The following KRTAP3-1 variants were observed in gnomAD, a reference collection of about 807,000 sequenced individuals.
KRTAP3-1 encodes the protein keratin-associated protein 3-1.
In KRTAP3-1, 3 loss-of-function variants were observed where a neutral mutation model predicts 2.8. The observed-to-expected ratio is 1.07, with a 90% CI of 0.49 to 2.78. The LOEUF (loss-of-function observed/expected upper bound fraction) is 2.78, where lower values mean the gene tolerates loss of function less well. KRTAP3-1 is among the 30% of genes most tolerant of loss of function. KRTAP3-1 has a pLI of 0.04. For missense variants in KRTAP3-1, 130 were observed against 127.6 expected (o/e 1.02, Z -0.09); for synonymous variants, 47 against 49.1 (o/e 0.96, Z 0.18).
rs759215053 is a variant in KRTAP3-1, at chr17:41,009,063, A to C, written c.12T>G (p.Cys4Trp). 1 of 1,613,538 alleles carries C rather than the reference A, an allele frequency of 6.2e-7. No homozygotes were observed. The highest frequency in any genetic ancestry group is 8.5e-7 in the Non-Finnish European group (1 of 1,179,774). The change falls in exon 1 of 1, where the codon TGT (cysteine) becomes TGG (tryptophan). Residue 4 changes from cysteine to tryptophan, a missense_variant. Coordinates refer to ENST00000391588, the MANE Select transcript of KRTAP3-1 (RefSeq NM_031958.2). MYCCALRSCSVPTG... is the reference protein window; with the variant it reads MYCWALRSCSVPTG... ...TGGGGACGCTGCAGGAGCGGAGAGCACAGCAATACATGGCAATGGGAGGTG... is the reference window on the plus strand; with the variant it reads ...TGGGGACGCTGCAGGAGCGGAGAGCCCAGCAATACATGGCAATGGGAGGTG...
chr17:41,008,687 G>A lies in KRTAP3-1; in HGVS notation c.*91C>T, dbSNP rs2011979822. The A allele has an allele frequency of 2.3e-6, 3 of 1,278,318 alleles. No homozygotes were observed. The highest frequency in any genetic ancestry group is 2.1e-6 in the Non-Finnish European group (2 of 932,576). 79.2% of individuals were successfully genotyped at this position (1,278,318 alleles called of 1,614,324 possible). On this transcript the variant is annotated 3_prime_UTR_variant, in exon 1 of 1. Coordinates refer to ENST00000391588, the MANE Select transcript of KRTAP3-1 (RefSeq NM_031958.2). ...GGCCCCGGGGATTGGGATGGCCTTA[G>A]CCTTGATGTAGGCAGTAGTGAGTGC...
chr17:41,009,071 A>G lies in KRTAP3-1; in HGVS notation c.4T>C (p.Tyr2His), dbSNP rs1239672424. The change falls in exon 1 of 1, where the codon TAT (tyrosine) becomes CAT (histidine). Residue 2 changes from tyrosine (Y) to histidine (H), a missense_variant. By Grantham distance (83) the Tyr-to-His change is moderately conservative. Coordinates refer to ENST00000391588, the MANE Select transcript of KRTAP3-1 (RefSeq NM_031958.2). ...CTGCAGGAGCGGAGAGCACAGCAAT[A>G]CATGGCAATGGGAGGTGGGTTTTTG... M[Y>H]CCALRSCSVP... 2 of 1,612,962 alleles carry G rather than the reference A, an allele frequency of 1.2e-6. No homozygotes were observed. Among genetic ancestry groups the G allele is most frequent in the South Asian group, 2.2e-5 (2 of 90,912 alleles).
Position 41,009,000 on chromosome 17 carries a change from G to C in KRTAP3-1, c.75C>G (p.Ser25Arg). ...TGGGTAGGCAGACTCCACAGCGGCA[G>C]CTTTTATCAAATGAGCAGAAGGTGG... ...PATTFCSFDK[S>R]CRCGVCLPST... Residue 25 changes from serine (S) to arginine (R), a missense_variant, in exon 1 of 1, where the codon AGC (serine) becomes AGG (arginine). Transcript: ENST00000391588. 6.2e-7 allele frequency: 1 copy of C among 1,614,250 alleles called. No homozygotes were observed. Among genetic ancestry groups the C allele is most frequent in the East Asian group, 2.2e-5 (1 of 44,888 alleles).
Position 41,008,724 on chromosome 17 carries a change from T to A in KRTAP3-1, c.*54A>T, listed in dbSNP as rs1418856131. 8 of 1,511,330 alleles carry A rather than the reference T, an allele frequency of 5.3e-6. 1 individual carries two copies. In the East Asian group the frequency reaches 1.1e-4, roughly 22 times the overall value. 93.6% of individuals were successfully genotyped at this position (1,511,330 alleles called of 1,614,324 possible). A position where few individuals can be genotyped will look rare whatever the true frequency, so the allele number is the denominator to read the frequency against. On this transcript the variant is annotated 3_prime_UTR_variant, in exon 1 of 1. Coordinates refer to ENST00000391588, the MANE Select transcript of KRTAP3-1 (RefSeq NM_031958.2). ...GCAGTAGTGAGTGCTGAAGCCCAGA[T>A]GGTGCAGAGGACATTGGGCAGCCAC...
In KRTAP3-1 at chr17:41,008,698, G is replaced by T; in HGVS notation, c.*80C>A. Reference sequence around the variant, plus strand: ...TTGGGATGGCCTTAGCCTTGATGTAGGCAGTAGTGAGTGCTGAAGCCCAGA... The same window carrying T: ...TTGGGATGGCCTTAGCCTTGATGTATGCAGTAGTGAGTGCTGAAGCCCAGA... On this transcript the variant is annotated 3_prime_UTR_variant, in exon 1 of 1. Transcript: ENST00000391588. 1 of 1,354,498 alleles carries T rather than the reference G, an allele frequency of 7.4e-7. No homozygotes were observed. Among genetic ancestry groups the T allele is most frequent in the Non-Finnish European group, 1.0e-6 (1 of 991,418 alleles). 83.9% of individuals were successfully genotyped at this position (1,354,498 alleles called of 1,614,324 possible).
rs144829467 is a variant in KRTAP3-1, at chr17:41,008,681, G to T, written c.*97C>A. On this transcript the variant is annotated 3_prime_UTR_variant, in exon 1 of 1. Transcript: ENST00000391588. ...AGACTTGGCCCCGGGGATTGGGATGGCCTTAGCCTTGATGTAGGCAGTAGT... is the reference window on the plus strand; with the variant it reads ...AGACTTGGCCCCGGGGATTGGGATGTCCTTAGCCTTGATGTAGGCAGTAGT... 3,319 of 1,201,704 alleles carry T rather than the reference G, an allele frequency of 2.8e-3. 70 individuals carry two copies. In the African/African-American group the frequency reaches 0.045, roughly 16 times the overall value. The allele number at this position is 1,201,704 out of a possible 1,614,324, so 74.4% of individuals were successfully genotyped here.
Position 41,008,639 on chromosome 17 carries a change from A to G in KRTAP3-1, c.*139T>C, listed in dbSNP as rs545740202. ...CCAATGGTACCCAAATGTGCAAATA[A>G]TTAAGAAGATTCATCAAGACTTGGC... is the stretch of plus-strand genomic sequence containing the variant. On this transcript the variant is annotated 3_prime_UTR_variant, in exon 1 of 1. Transcript: ENST00000391588. 1 of 764,436 alleles carries G rather than the reference A, an allele frequency of 1.3e-6. No individual in the cohort carries two copies. Among genetic ancestry groups the G allele is most frequent in the Non-Finnish European group, 2.1e-6 (1 of 486,870 alleles). 47.4% of individuals were successfully genotyped at this position (764,436 alleles called of 1,614,324 possible). A position where few individuals can be genotyped will look rare whatever the true frequency, so the allele number is the denominator to read the frequency against.
Position 41,009,096 on chromosome 17 carries a change from G to T in KRTAP3-1, c.-22C>A, listed in dbSNP as rs1597937093. 3 of 1,604,574 alleles carry T rather than the reference G, an allele frequency of 1.9e-6. No individual in the cohort carries two copies. The East Asian group carries it at 6.7e-5, about 36-fold the overall frequency. ...ACATGGCAATGGGAGGTGGGTTTTTGTTGAGTTGAGAGAAGTCTGTTGGTG... is the reference window on the plus strand; with the variant it reads ...ACATGGCAATGGGAGGTGGGTTTTTTTTGAGTTGAGAGAAGTCTGTTGGTG... On this transcript the variant is annotated 5_prime_UTR_variant, in exon 1 of 1. Transcript: ENST00000391588.
In KRTAP3-1 at chr17:41,008,842, C is replaced by T; in HGVS notation, c.233G>A (p.Ser78Asn). 6.2e-7 allele frequency: 1 copy of T among 1,614,146 alleles called. No homozygotes were observed. Among genetic ancestry groups the T allele is most frequent in the South Asian group, 1.1e-5 (1 of 91,078 alleles). ...AACATAGGTGGTCAGGTTGATCCCA[C>T]TCAGTCCGGGAGTCGGGTGACAGTT... The part of the protein sequence containing the change: ...LNNCHPTPGL[S>N]GINLTTYVQP... The change falls in exon 1 of 1, where the codon AGT becomes AAT. Residue 78 changes from serine (S) to asparagine (N), a missense_variant. Coordinates refer to ENST00000391588, the MANE Select transcript of KRTAP3-1 (RefSeq NM_031958.2).
Position 41,008,676 on chromosome 17 carries a change from G to T in KRTAP3-1, c.*102C>A. On this transcript the variant is annotated 3_prime_UTR_variant, in exon 1 of 1. Coordinates refer to ENST00000391588, the MANE Select transcript of KRTAP3-1 (RefSeq NM_031958.2). ...CATCAAGACTTGGCCCCGGGGATTGGGATGGCCTTAGCCTTGATGTAGGCA... is the reference window on the plus strand; with the variant it reads ...CATCAAGACTTGGCCCCGGGGATTGTGATGGCCTTAGCCTTGATGTAGGCA... 1 of 1,146,936 alleles carries T rather than the reference G, an allele frequency of 8.7e-7. No homozygotes were observed. The highest frequency in any genetic ancestry group is 1.2e-6 in the Non-Finnish European group (1 of 823,378). 71.0% of individuals were successfully genotyped at this position (1,146,936 alleles called of 1,614,324 possible). A position where few individuals can be genotyped will look rare whatever the true frequency, so the allele number is the denominator to read the frequency against.
Position 41,008,752 on chromosome 17 carries a change from C to T in KRTAP3-1, c.*26G>A. The T allele has an allele frequency of 1.3e-6, 2 of 1,573,936 alleles. No individual in the cohort carries two copies. Among genetic ancestry groups the T allele is most frequent in the African/African-American group, 1.3e-5 (1 of 74,658 alleles). Reference sequence around the variant, plus strand: ...TGCAGAGGACATTGGGCAGCCACCTCACGGAACCTGTGCAGACTCGGCTGG... The same window carrying T: ...TGCAGAGGACATTGGGCAGCCACCTTACGGAACCTGTGCAGACTCGGCTGG... On this transcript the variant is annotated 3_prime_UTR_variant, in exon 1 of 1. Transcript: ENST00000391588.
In KRTAP3-1 at chr17:41,009,089, G is replaced by A. The variant is rs373689851; in HGVS notation, c.-15C>T. Reference sequence around the variant, plus strand: ...CAGCAATACATGGCAATGGGAGGTGGGTTTTTGTTGAGTTGAGAGAAGTCT... The same window carrying A: ...CAGCAATACATGGCAATGGGAGGTGAGTTTTTGTTGAGTTGAGAGAAGTCT... On this transcript the variant is annotated 5_prime_UTR_variant, in exon 1 of 1. Transcript: ENST00000391588. 1.6e-5 allele frequency: 25 copies of A among 1,607,860 alleles called. No individual in the cohort carries two copies. The highest frequency in any genetic ancestry group is 2.1e-5 in the Non-Finnish European group (25 of 1,176,628).
At position 41,008,703 on chromosome 17, in the gene KRTAP3-1, T is replaced by C; in HGVS notation, c.*75A>G. On this transcript the variant is annotated 3_prime_UTR_variant, in exon 1 of 1. Coordinates refer to ENST00000391588, the MANE Select transcript of KRTAP3-1 (RefSeq NM_031958.2). The stretch of plus-strand genomic sequence containing the variant: ...ATGGCCTTAGCCTTGATGTAGGCAG[T>C]AGTGAGTGCTGAAGCCCAGATGGTG... 1 of 1,389,534 alleles carries C rather than the reference T, an allele frequency of 7.2e-7. No homozygotes were observed. The highest frequency in any genetic ancestry group is 9.8e-7 in the Non-Finnish European group (1 of 1,019,654). The allele number at this position is 1,389,534 out of a possible 1,614,324, so 86.1% of individuals were successfully genotyped here. A position where few individuals can be genotyped will look rare whatever the true frequency, so the allele number is the denominator to read the frequency against.
In KRTAP3-1 at chr17:41,009,012, T is replaced by C. The variant is rs973028841; in HGVS notation, c.63A>G (p.Ser21=). The stretch of plus-strand genomic sequence containing the variant: ...CTCCACAGCGGCAGCTTTTATCAAA[T>C]GAGCAGAAGGTGGTGGCAGGGCCGG... ...VPTGPATTFC[S]FDKSCRCGVC... is the part of the protein sequence containing the mutation. The change falls in exon 1 of 1, where the codon TCA becomes TCG. Residue 21 remains serine (S), a synonymous_variant. Transcript: ENST00000391588. 6.2e-7 allele frequency: 1 copy of C among 1,614,174 alleles called. No homozygotes were observed. The highest frequency in any genetic ancestry group is 8.5e-7 in the Non-Finnish European group (1 of 1,180,026).
chr17:41,008,954 T>C lies in KRTAP3-1; in HGVS notation c.121A>G (p.Ser41Gly). ...TCACAGCAGATGGGCTGAAGGAGGC[T>C]GATCTCATGTGGGCAGGTGCTGGGT... Reference protein sequence around the residue: ...CLPSTCPHEISLLQPICCDTC... With the variant: ...CLPSTCPHEIGLLQPICCDTC... The change falls in exon 1 of 1, where the codon AGC becomes GGC. Residue 41 changes from serine (S) to glycine (G), a missense_variant. Transcript: ENST00000391588. The C allele has an allele frequency of 1.2e-6, 2 of 1,614,242 alleles. No homozygotes were observed.
In KRTAP3-1 at chr17:41,009,021, G is replaced by A. The variant is rs201164583; in HGVS notation, c.54C>T (p.Thr18=). 1.3e-4 allele frequency: 202 copies of A among 1,614,214 alleles called. No homozygotes were observed. The East Asian group carries it at 4.1e-3, about 33-fold the overall frequency. ...GGCAGCTTTTATCAAATGAGCAGAA[G>A]GTGGTGGCAGGGCCGGTGGGGACGC... The part of the protein sequence containing the change: ...SCSVPTGPAT[T]FCSFDKSCRC... Residue 18 remains threonine, a synonymous_variant, in exon 1 of 1, where the codon ACC becomes ACT. Coordinates refer to ENST00000391588, the MANE Select transcript of KRTAP3-1 (RefSeq NM_031958.2).
In KRTAP3-1 at chr17:41,008,663, G is replaced by T; in HGVS notation, c.*115C>A. On this transcript the variant is annotated 3_prime_UTR_variant, in exon 1 of 1. Coordinates refer to ENST00000391588, the MANE Select transcript of KRTAP3-1 (RefSeq NM_031958.2). ...AATTAAGAAGATTCATCAAGACTTG[G>T]CCCCGGGGATTGGGATGGCCTTAGC... is the stretch of plus-strand genomic sequence containing the variant. 1.0e-6 allele frequency: 1 copy of T among 974,598 alleles called. No homozygotes were observed. Among genetic ancestry groups the T allele is most frequent in the Non-Finnish European group, 1.5e-6 (1 of 670,744 alleles). The allele number at this position is 974,598 out of a possible 1,614,324, so 60.4% of individuals were successfully genotyped here.
chr17:41,008,596 A>G lies in KRTAP3-1; in HGVS notation c.*182T>C, dbSNP rs1288894386. 1.6e-5 allele frequency: 9 copies of G among 554,586 alleles called. No individual in the cohort carries two copies. Among genetic ancestry groups the G allele is most frequent in the East Asian group, 5.7e-5 (2 of 35,116 alleles). 34.4% of individuals were successfully genotyped at this position (554,586 alleles called of 1,614,324 possible). A position where few individuals can be genotyped will look rare whatever the true frequency, so the allele number is the denominator to read the frequency against. ...CTCAAAGAGTGATGAAATAGCCTAA[A>G]AGACAGAAGGGAGGTCTCCAATGGT... On this transcript the variant is annotated 3_prime_UTR_variant, in exon 1 of 1. Transcript: ENST00000391588.
At position 41,009,030 on chromosome 17, in the gene KRTAP3-1, A is replaced by G. The variant is rs2011993443; in HGVS notation, c.45T>C (p.Pro15=). The G allele has an allele frequency of 6.2e-7, 1 of 1,614,072 alleles. No individual in the cohort carries two copies. Among genetic ancestry groups the G allele is most frequent in the Non-Finnish European group, 8.5e-7 (1 of 1,180,048 alleles). The part of the protein sequence containing the change: ...ALRSCSVPTG[P]ATTFCSFDKS... ...TATCAAATGAGCAGAAGGTGGTGGC[A>G]GGGCCGGTGGGGACGCTGCAGGAGC... Residue 15 remains proline (P), a synonymous_variant, in exon 1 of 1, where the codon CCT becomes CCC. Transcript: ENST00000391588.
Sources: allele counts gnomAD v4.1 joint callset, GRCh38; gene constraint gnomAD v4.1.1; transcripts MANE v1.5; gene names NCBI Gene and HGNC (gene_info 2026-07-23, HGNC 2026-07-21).